Variants in MSH5 observed in about 807,000 individuals in gnomAD.
The protein encoded by MSH5 is mutS homolog 5, also known as mutS protein homolog 5.
A neutral mutation model predicts 107.7 loss-of-function variants in MSH5; 78 were observed. The ratio of observed to expected loss-of-function variants is 0.72; its 90% CI spans 0.60 to 0.87. The LOEUF is 0.87. Among genes scored for constraint, MSH5 ranks in the 40% least tolerant of loss-of-function variants. MSH5 has a pLI of 0.00. For synonymous variants in MSH5, 326 were observed against 399.5 expected (o/e 0.82, Z 2.19); for missense variants, 889 against 1,046.6 (o/e 0.85, Z 2.08).
chr6:31,759,290 T>C lies in MSH5; in HGVS notation c.1407+113T>C. ...ATATGGGATCTCTCCTCTGTAGTTT[T>C]ACTCTGAGCTTTACCAGCACTGAGA... On this transcript the variant is annotated intron_variant, in intron 16 of 24. Coordinates refer to ENST00000375750, the MANE Select transcript of MSH5 (RefSeq NM_172166.4). This position sits in a 1 kb window ranked among gnomAD's most constrained non-coding sequence, Gnocchi z 4.7. The C allele has an allele frequency of 7.3e-7, 1 of 1,375,796 alleles. No individual in the cohort carries two copies. The highest frequency in any genetic ancestry group is 1.2e-5 in the South Asian group (1 of 86,288). 85.2% of individuals were successfully genotyped at this position (1,375,796 alleles called of 1,614,324 possible).
chr6:31,762,127 C>G lies in MSH5; in HGVS notation c.2335C>G (p.Arg779Gly), dbSNP rs142634264. The G allele has an allele frequency of 3.7e-6, 6 of 1,614,040 alleles. No individual in the cohort carries two copies. In the African/African-American group the frequency reaches 6.7e-5, roughly 18 times the overall value. ...ARGKEVSDLI[R>G]SGKPIKPVKD... ...TTGTTCCTAGGTCTCAGACTTGATC[C>G]GCAGTGGAAAACCCATCAAGCCTGT... The change falls in exon 24 of 25, where the codon CGC becomes GGC. Residue 779 changes from arginine (R) to glycine (G), a missense_variant. By Grantham distance (125) the Arg-to-Gly change is moderately radical (BLOSUM62 -2). Coordinates refer to ENST00000375750, the MANE Select transcript of MSH5 (RefSeq NM_172166.4).
At chr6:31,753,497 C>T in intron 11 of MSH5, 58 bp downstream of exon 11, 1 of 1,613,394 alleles carries the variant, frequency 6.2e-7, no homozygotes, top group South Asian at 1.1e-5. Flanking sequence ...TGATACTGGG[C>T]AGTGGGCTTC....
In MSH5 at chr6:31,760,351, C is replaced by T; in HGVS notation, c.1812+135C>T. ...CTCTTCATGAAAGGACCATCACCCA[C>T]ATCCCTGTGCTTCCACCTCACATGT... On this transcript the variant is annotated intron_variant, in intron 19 of 24. Coordinates refer to ENST00000375750, the MANE Select transcript of MSH5 (RefSeq NM_172166.4). This position sits in a 1 kb window ranked among gnomAD's most constrained non-coding sequence, Gnocchi z 5.6. 2 of 1,226,090 alleles carry T rather than the reference C, an allele frequency of 1.6e-6. No homozygotes were observed. Among genetic ancestry groups the T allele is most frequent in the Non-Finnish European group, 2.2e-6 (2 of 891,758 alleles). 76.0% of individuals were successfully genotyped at this position (1,226,090 alleles called of 1,614,324 possible). A position where few individuals can be genotyped will look rare whatever the true frequency, so the allele number is the denominator to read the frequency against.
In MSH5 at chr6:31,761,785, T is replaced by C; in HGVS notation, c.2182-33T>C. On this transcript the variant is annotated intron_variant, in intron 22 of 24. Transcript: ENST00000375750. The surrounding 1 kb of genome is among the most constrained non-coding windows in gnomAD (Gnocchi z 5.3). Reference sequence around the variant, plus strand: ...GGGTTTCAGGACAGGAAGGAGGTGATTGATGATACACTGTCTTTTATTCTC... The same window carrying C: ...GGGTTTCAGGACAGGAAGGAGGTGACTGATGATACACTGTCTTTTATTCTC... 5.0e-6 allele frequency: 8 copies of C among 1,613,120 alleles called. No individual in the cohort carries two copies. The highest frequency in any genetic ancestry group is 3.3e-5 in the South Asian group (3 of 91,068).
chr6:31,755,188 G>A (rs1046918729), intron 12 of MSH5, among the ~76,000 whole-genome samples: 2 of 151,956 alleles, frequency 1.3e-5, no homozygotes, highest in Middle Eastern at 3.2e-3. Flanking sequence ...GTCTCACTCT[G>A]TCACCCAGGC....
Position 31,752,129 on chromosome 6 carries a change from A to C in MSH5, c.813-1172A>C, listed in dbSNP as rs992776432. Among the ~76,000 whole-genome samples, 15 of 149,610 alleles carry C rather than the reference A, an allele frequency of 1.0e-4. No homozygotes were observed. The South Asian group carries it at 3.0e-3, about 30-fold the overall frequency. On this transcript the variant is annotated intron_variant, in intron 10 of 24. Coordinates refer to ENST00000375750, the MANE Select transcript of MSH5 (RefSeq NM_172166.4). The stretch of plus-strand genomic sequence containing the variant: ...TAATAATAATAATACAAATATCTAT[A>C]TATCCATCAGCCAATTTAAGAATAA...
chr6:31,761,472 G>A lies in MSH5; in HGVS notation c.2038G>A (p.Val680Met). The change falls in exon 22 of 25, where the codon GTG (valine) becomes ATG (methionine). Residue 680 changes from valine (V) to methionine (M), a missense_variant and splice_region_variant. By Grantham distance (21) the Val-to-Met change is conservative (BLOSUM62 1). Around this residue, in one of 3 missense-constraint regions of MSH5, gnomAD observed 362 missense variants for 456.2 expected, o/e 0.79. Transcript: ENST00000375750. The surrounding 1 kb of genome is among the most constrained non-coding windows in gnomAD (Gnocchi z 5.3). ...ATGCTAACCTCTGCCCTCTTTGCAG[G>A]TGGATGGGCTCGCGCTTCTGGCCGC... ...IDEFGKGTNT[V>M]DGLALLAAVL... The A allele has an allele frequency of 6.2e-7, 1 of 1,612,900 alleles. No homozygotes were observed. Among genetic ancestry groups the A allele is most frequent in the Non-Finnish European group, 8.5e-7 (1 of 1,180,048 alleles).
chr6:31,757,362 T>G (rs912942691), intron 12 of MSH5: 3 of 152,114 alleles, frequency 2.0e-5, no homozygotes, highest in Non-Finnish European at 2.9e-5. Flanking sequence ...ACCAGGATGG[T>G]CTCAATCTCC....
chr6:31,759,159 T>G lies in MSH5; in HGVS notation c.1389T>G (p.Ile463Met), dbSNP rs1810736738. Residue 463 changes from isoleucine (I) to methionine (M), a missense_variant, in exon 16 of 25, where the codon ATT becomes ATG. Transcript: ENST00000375750. This position sits in a 1 kb window ranked among gnomAD's most constrained non-coding sequence, Gnocchi z 4.7. ...TGGTAGAGGCCAGTGACTTTGAGAT[T>G]AATGGACTGGACTTCATGGTAAGAC... is the stretch of plus-strand genomic sequence containing the variant. ...PSMVEASDFE[I>M]NGLDFMFLSE... 1.2e-6 allele frequency: 2 copies of G among 1,612,748 alleles called. No individual in the cohort carries two copies. Among genetic ancestry groups the G allele is most frequent in the Admixed American group, 1.7e-5 (1 of 59,986 alleles).
rs573697229 is a variant in MSH5 at position 31,762,174 on chromosome 6, C to T, written c.2382C>T (p.Asn794=). The change falls in exon 24 of 25, where the codon AAC becomes AAT. Residue 794 remains asparagine (N), a synonymous_variant. Transcript: ENST00000375750. ...CTGTCAAGGATTTGCTAAAGAAGAA[C>T]CAAATGGAAAAGTGCGTATATGGCC... The part of the protein sequence containing the change: ...IKPVKDLLKK[N]QMENCQTLVD... The T allele has an allele frequency of 6.2e-7, 1 of 1,614,188 alleles. No homozygotes were observed. The highest frequency in any genetic ancestry group is 8.5e-7 in the Non-Finnish European group (1 of 1,180,018).
In MSH5 at chr6:31,758,585, C is replaced by G. The variant is rs745810613; in HGVS notation, c.1181C>G (p.Thr394Arg). The change falls in exon 14 of 25, where the codon ACA (threonine) becomes AGA (arginine). Residue 394 changes from threonine (T) to arginine (R), a missense_variant. Coordinates refer to ENST00000375750, the MANE Select transcript of MSH5 (RefSeq NM_172166.4). This position sits in a 1 kb window ranked among gnomAD's most constrained non-coding sequence, Gnocchi z 5.1. ...GGCAGCCTTGCTGAAAATCGCTTCA[C>G]AGTCCTCCCCAACATAGATCCTGAA... ...FEGSLAENRFTVLPNIDPEID... is the reference protein window; with the variant it reads ...FEGSLAENRFRVLPNIDPEID... The G allele has an allele frequency of 6.2e-7, 1 of 1,613,830 alleles. No homozygotes were observed. The highest frequency in any genetic ancestry group is 8.5e-7 in the Non-Finnish European group (1 of 1,180,010).
chr6:31,745,151 C>CT, intron 8 of MSH5, 86 bp from the exon 9 acceptor site: 1 of 793,178 alleles, frequency 1.3e-6, no homozygotes, highest in Non-Finnish European at 2.2e-6. Flanking sequence ...AGGATATCCC[C>CT]TGTCCCCATT....
rs1344386717 is a variant in MSH5, at chr6:31,754,864, G to A, written c.1014+1235G>A. Reference sequence around the variant, plus strand: ...CCTCCCAGGTTCAAGCGATTCTCCTGCCTCAGCCTCCCATGTAGCTGGGAT... The same window carrying A: ...CCTCCCAGGTTCAAGCGATTCTCCTACCTCAGCCTCCCATGTAGCTGGGAT... On this transcript the variant is annotated intron_variant, in intron 12 of 24. Coordinates refer to ENST00000375750, the MANE Select transcript of MSH5 (RefSeq NM_172166.4). 2.6e-4 allele frequency among the ~76,000 whole-genome samples: 38 copies of A among 147,628 alleles called. No individual in the cohort carries two copies. In the Admixed American group the frequency reaches 2.6e-3, roughly 10 times the overall value.
At position 31,758,556 on chromosome 6, in the gene MSH5, T is replaced by C. The variant is rs1489191331; in HGVS notation, c.1152T>C (p.Phe384=). Residue 384 remains phenylalanine, a synonymous_variant, in exon 14 of 25, where the codon TTT becomes TTC. Transcript: ENST00000375750. This position sits in a 1 kb window ranked among gnomAD's most constrained non-coding sequence, Gnocchi z 5.1. ...AGTACTTATCTCCTCAGGTGGACTTTGAGGGCAGCCTTGCTGAAAATCGCT... is the reference window on the plus strand; with the variant it reads ...AGTACTTATCTCCTCAGGTGGACTTCGAGGGCAGCCTTGCTGAAAATCGCT... ...IASLIGKVVD[F]EGSLAENRFT... The C allele has an allele frequency of 1.2e-6, 2 of 1,613,426 alleles. No individual in the cohort carries two copies. Among genetic ancestry groups the C allele is most frequent in the South Asian group, 1.1e-5 (1 of 91,076 alleles).
In MSH5 at chr6:31,758,462, G is replaced by T. The variant is rs1452814468; in HGVS notation, c.1144-86G>T. ...ATCTGGAGGGTGAGAGTTAAAGGAG[G>T]ACTGCAGGGAGAATTGGGGCCCAAG... On this transcript the variant is annotated intron_variant, in intron 13 of 24. Coordinates refer to ENST00000375750, the MANE Select transcript of MSH5 (RefSeq NM_172166.4). The surrounding 1 kb of genome is among the most constrained non-coding windows in gnomAD (Gnocchi z 5.1). The T allele has an allele frequency of 1.3e-6, 2 of 1,567,380 alleles. No individual in the cohort carries two copies. The highest frequency in any genetic ancestry group is 2.7e-5 in the African/African-American group (2 of 73,962).
In MSH5 at chr6:31,753,284, C is replaced by G. The variant is rs770640303; in HGVS notation, c.813-17C>G. 1 of 1,587,324 alleles carries G rather than the reference C, an allele frequency of 6.3e-7. No individual in the cohort carries two copies. The highest frequency in any genetic ancestry group is 8.6e-7 in the Non-Finnish European group (1 of 1,160,270). On this transcript the variant is annotated splice_polypyrimidine_tract_variant and intron_variant, in intron 10 of 24. Coordinates refer to ENST00000375750, the MANE Select transcript of MSH5 (RefSeq NM_172166.4). ...AGATGTAACTTGTAGTACCCCCACC[C>G]AAACCCTCACTTCCAGGCTATGGTT...
chr6:31,742,465 C>T (rs1007053846), intron 3 of MSH5, among the ~76,000 whole-genome samples: 1 of 152,222 alleles, frequency 6.6e-6, no homozygotes, highest in Non-Finnish European at 1.5e-5. Context: ...ACCACGTTGG[C>T]TAGGCTTGTC....
chr6:31,742,243 C>T (rs1144708), intron 3 of MSH5, among the ~76,000 whole-genome samples: 72,305 of 151,978 alleles, frequency 0.48, 18,840 homozygotes, highest in African/African-American at 0.71. Context: ...ATTTGTGAGG[C>T]TGTTTTTTGG....
At position 31,758,504 on chromosome 6, in the gene MSH5, G is replaced by T. The variant is rs756594409; in HGVS notation, c.1144-44G>T. The T allele has an allele frequency of 1.9e-6, 3 of 1,608,252 alleles. No individual in the cohort carries two copies. Among genetic ancestry groups the T allele is most frequent in the Admixed American group, 1.7e-5 (1 of 59,964 alleles). ...GGGCCCAAGGAGAGCTGAGGAACAG[G>T]ACAGAGGGTGCCAGGTCCTAAGAAA... is the stretch of plus-strand genomic sequence containing the variant. On this transcript the variant is annotated intron_variant, in intron 13 of 24. Coordinates refer to ENST00000375750, the MANE Select transcript of MSH5 (RefSeq NM_172166.4). This position sits in a 1 kb window ranked among gnomAD's most constrained non-coding sequence, Gnocchi z 5.1.
Sources: gnomAD v4.1 joint callset for allele counts (sites outside exome capture counted in the v4.1 genomes callset) on GRCh38, gnomAD v4.1.1 for gene constraint, gnomAD v4.1.1 regional missense constraint, Gnocchi (gnomAD v3.1) non-coding constraint, MANE v1.5 for transcripts, NCBI Gene and HGNC (gene_info 2026-07-23, HGNC 2026-07-21) for gene names.